Variants in THSD7B observed in about 807,000 individuals in gnomAD.
THSD7B encodes the protein thrombospondin type 1 domain containing 7B.
In THSD7B, 138 loss-of-function variants were observed where a neutral mutation model predicts 213.6. The ratio of observed to expected loss-of-function variants is 0.65; its 90% CI spans 0.56 to 0.74. The LOEUF (loss-of-function observed/expected upper bound fraction) is 0.74. Ranked by LOEUF, THSD7B falls within the 30% of genes least tolerant of loss-of-function variation. The pLI, the probability that THSD7B is intolerant of heterozygous loss-of-function variation, is 0.00. For synonymous variants in THSD7B, 742 were observed against 687.0 expected, an observed-to-expected ratio of 1.08 and a Z score of -1.25; for missense variants, 1,931 against 1,991.5, an observed-to-expected ratio of 0.97 and a Z score of 0.58.
chr2:136,822,145 T>C (rs1304148147), intron 1 of THSD7B, among the ~76,000 whole-genome samples: 1 of 152,192 alleles, frequency 6.6e-6, no homozygotes, highest in African/African-American at 2.4e-5. Flanking sequence ...TTCAGTCTTC[T>C]TGCCTTTTAC....
chr2:137,362,596 C>T (rs1439317743), intron 12 of THSD7B, among the ~76,000 whole-genome samples: 1 of 151,824 alleles, frequency 6.6e-6, no homozygotes, highest in Non-Finnish European at 1.5e-5. Flanking sequence ...TCGTCTCTGA[C>T]AAAAACAGTC....
At chr2:137,115,448 C>T (rs571653427) in intron 5 of THSD7B, among the ~76,000 whole-genome samples, 155 bp downstream of exon 5, 1 of 152,092 alleles carries the variant, frequency 6.6e-6, no homozygotes, top group African/African-American at 2.4e-5. Flanking sequence ...TAAGTTCTTC[C>T]ACTTGTAACA....
intron 12 of THSD7B, among the ~76,000 whole-genome samples, chr2:137,339,486 C>A (rs754413596): frequency 4.6e-5 from 7 of 151,858 alleles, no homozygotes; most frequent in African/African-American, 1.7e-4. Flanking sequence ...AGCTGGGGTT[C>A]GCTGAATGCC....
Position 137,659,624 on chromosome 2 carries a change from A to G in THSD7B, c.4376-40A>G, listed in dbSNP as rs1403695770. On this transcript the variant is annotated intron_variant, in intron 24 of 27. Coordinates refer to ENST00000409968, the MANE Select transcript of THSD7B (RefSeq NM_001316349.2). ...AATACCAAAAAATTAGAAATATCTA[A>G]TAGAGAAATCTGCAAATGATGGTGG... 3.9e-6 allele frequency: 6 copies of G among 1,541,398 alleles called. No homozygotes were observed. The South Asian group carries it at 6.1e-5, about 16-fold the overall frequency.
At chr2:137,419,808 C>T (rs1686884539) in intron 14 of THSD7B, among the ~76,000 whole-genome samples, 1 of 151,974 alleles carries the variant, frequency 6.6e-6, no homozygotes, top group Non-Finnish European at 1.5e-5. Flanking sequence ...TCCCTGTCTG[C>T]CTAGGATTTG....
At chr2:137,322,319 A>G (rs1260325233) in intron 12 of THSD7B, among the ~76,000 whole-genome samples, 1 of 152,112 alleles carries the variant, frequency 6.6e-6, no homozygotes, top group Non-Finnish European at 1.5e-5. Context: ...ATGCAATAAC[A>G]CTTTCTCAGT....
intron 11 of THSD7B, among the ~76,000 whole-genome samples, chr2:137,274,261 A>C (rs1682819200): frequency 6.6e-6 from 1 of 152,118 alleles, no homozygotes; most frequent in African/African-American, 2.4e-5. Context: ...TTAGGGAGGA[A>C]GTTGTCTTAG....
chr2:137,043,504 T>C (rs550614489), intron 2 of THSD7B, among the ~76,000 whole-genome samples: 2 of 152,310 alleles, frequency 1.3e-5, no homozygotes, highest in African/African-American at 4.8e-5. Context: ...GGTCTCTCAC[T>C]GACATTGAAT....
chr2:136,919,711 G>T (rs559940798), intron 2 of THSD7B, among the ~76,000 whole-genome samples: 74 of 152,294 alleles, frequency 4.9e-4, no homozygotes, highest in Admixed American at 1.1e-3. Context: ...GCTTGGCCCA[G>T]CAGGCTGCAT....
chr2:137,111,771 G>A (rs561640360), intron 4 of THSD7B, among the ~76,000 whole-genome samples: 4 of 152,270 alleles, frequency 2.6e-5, no homozygotes, highest in South Asian at 2.1e-4. Flanking sequence ...ACACTCTCAC[G>A]TTGGTAAGGG....
chr2:137,584,042 G>A (rs1408796018), intron 17 of THSD7B, among the ~76,000 whole-genome samples: 1 of 150,298 alleles, frequency 6.7e-6, no homozygotes. Context: ...TCTCCTTGAA[G>A]AGGTCCTTCA....
chr2:137,018,318 G>A (rs919735072), intron 2 of THSD7B, among the ~76,000 whole-genome samples: 2 of 152,014 alleles, frequency 1.3e-5, no homozygotes, highest in Admixed American at 6.6e-5. Flanking sequence ...TAGGCATAAG[G>A]ACATTTTTAA....
At chr2:137,278,354 C>T (rs1380089007) in intron 12 of THSD7B, among the ~76,000 whole-genome samples, 1 of 152,064 alleles carries the variant, frequency 6.6e-6, no homozygotes, top group African/African-American at 2.4e-5. Context: ...GACTTTTCAA[C>T]ATCAGCACTG....
chr2:137,093,392 G>T (rs527270718), intron 3 of THSD7B, among the ~76,000 whole-genome samples: 3 of 152,224 alleles, frequency 2.0e-5, no homozygotes, highest in South Asian at 2.1e-4. Flanking sequence ...TGTAGCATTT[G>T]CCAATTTCTG....
chr2:137,182,634 G>T (rs1457793370), intron 7 of THSD7B, among the ~76,000 whole-genome samples: 1 of 152,058 alleles, frequency 6.6e-6, no homozygotes, highest in Non-Finnish European at 1.5e-5. Context: ...AAACATACTC[G>T]CCCATCTCTT....
At chr2:137,044,662 ATAT>A (rs1686938993) in intron 2 of THSD7B, among the ~76,000 whole-genome samples, 1 of 152,216 alleles carries the variant, frequency 6.6e-6, no homozygotes, top group Non-Finnish European at 1.5e-5. Flanking sequence ...TATAGTAATA[ATAT>A]TATAATAAAA....
intron 15 of THSD7B, among the ~76,000 whole-genome samples, chr2:137,453,994 C>T (rs1687709094): frequency 6.6e-6 from 1 of 152,118 alleles, no homozygotes; most frequent in Non-Finnish European, 1.5e-5. Context: ...ATCACATTTT[C>T]TTCATCCACT....
chr2:136,941,091 T>C (rs981309647), intron 2 of THSD7B, among the ~76,000 whole-genome samples: 2 of 152,010 alleles, frequency 1.3e-5, no homozygotes, highest in Non-Finnish European at 2.9e-5. Context: ...TATGTATGAG[T>C]GAGAACATGT....
chr2:137,552,624 T>C (rs1285581152), intron 15 of THSD7B, among the ~76,000 whole-genome samples: 1 of 152,210 alleles, frequency 6.6e-6, no homozygotes, highest in African/African-American at 2.4e-5. Flanking sequence ...TTAATGGGCA[T>C]ATTTGTACAG....
Sources: allele counts gnomAD v4.1 joint callset (sites outside exome capture counted in the v4.1 genomes callset), GRCh38; gene constraint gnomAD v4.1.1; transcripts MANE v1.5; gene names NCBI Gene and HGNC (gene_info 2026-07-23, HGNC 2026-07-21).